The following TTF2 variants were observed in gnomAD, a reference collection of about 807,000 sequenced individuals.
TTF2 encodes the protein transcription termination factor 2, also known as RNA polymerase II termination factor.
In TTF2, 108 loss-of-function variants were observed where a neutral mutation model predicts 142.4. That is an observed-to-expected ratio of 0.76 (90% confidence interval 0.65 to 0.89). The LOEUF is 0.89. TTF2 is among the 40% of genes least tolerant of loss of function. TTF2 has a pLI of 0.00. For synonymous variants in TTF2, 483 were observed against 506.2 expected, an observed-to-expected ratio of 0.95 and a Z score of 0.61; for missense variants, 1,327 against 1,379.8, an observed-to-expected ratio of 0.96 and a Z score of 0.61.
chr1:117,067,659 A>G (rs1396337486), intron 3 of TTF2, among the ~76,000 whole-genome samples: 1 of 152,214 alleles, frequency 6.6e-6, no homozygotes, highest in Non-Finnish European at 1.5e-5. Context: ...CTGGGAATTT[A>G]AACAGAAATA....
chr1:117,063,970 A>T lies in TTF2; in HGVS notation c.218+1497A>T, dbSNP rs957932241. 6.6e-6 allele frequency among the ~76,000 whole-genome samples: 1 copy of T among 151,966 alleles called. No homozygotes were observed. Among genetic ancestry groups the T allele is most frequent in the African/African-American group, 2.4e-5 (1 of 41,356 alleles). On this transcript the variant is annotated intron_variant, in intron 3 of 22. Coordinates refer to ENST00000369466, the MANE Select transcript of TTF2 (RefSeq NM_003594.4). The surrounding 1 kb of genome is among the most constrained non-coding windows in gnomAD (Gnocchi z 4.1). ...AGGTACTGAAGAGTTCCATCACAGGATCTCTCTGTTGCCCTTTCTATAACC... is the reference window on the plus strand; with the variant it reads ...AGGTACTGAAGAGTTCCATCACAGGTTCTCTCTGTTGCCCTTTCTATAACC...
Position 117,100,860 on chromosome 1 carries a change from T to C in TTF2, c.3345-520T>C, listed in dbSNP as rs1289663. Among the ~76,000 whole-genome samples, 68,322 of 152,044 alleles carry C rather than the reference T, an allele frequency of 0.45. 15,941 individuals are homozygous for C. Among genetic ancestry groups the C allele is most frequent in the African/African-American group, 0.57 (23,444 of 41,450 alleles). On this transcript the variant is annotated intron_variant, in intron 22 of 22. Coordinates refer to ENST00000369466, the MANE Select transcript of TTF2 (RefSeq NM_003594.4). This position sits in a 1 kb window ranked among gnomAD's most constrained non-coding sequence, Gnocchi z 4.6. ...TGTTTGTCTCGCTTTTGTTCTGCTT[T>C]GGAGCAAGACTATATTCATCTCTCC...
In TTF2 at chr1:117,086,545, G is replaced by T. The variant is rs1192457882; in HGVS notation, c.2160+23G>T. On this transcript the variant is annotated intron_variant, in intron 12 of 22. Transcript: ENST00000369466. The surrounding 1 kb of genome is among the most constrained non-coding windows in gnomAD (Gnocchi z 4.2). ...GAGGTGAGGCTGGGGGGCAGCCAGG[G>T]AAGTGGAGTTGGAGCCACAGATGGT... 6.3e-7 allele frequency: 1 copy of T among 1,578,356 alleles called. No individual in the cohort carries two copies. Among genetic ancestry groups the T allele is most frequent in the Non-Finnish European group, 8.7e-7 (1 of 1,148,906 alleles).
chr1:117,081,986 T>C lies in TTF2; in HGVS notation c.1903+39T>C, dbSNP rs374858348. 5.8e-4 allele frequency: 940 copies of C among 1,613,160 alleles called. 2 individuals carry two copies. The highest frequency in any genetic ancestry group is 7.7e-4 in the Non-Finnish European group (908 of 1,179,646). Reference sequence around the variant, plus strand: ...CCTTAATAGCCTGCCATTCCCTACGTCATTTGAGCCACCCAAGAGGGGAAC... The same window carrying C: ...CCTTAATAGCCTGCCATTCCCTACGCCATTTGAGCCACCCAAGAGGGGAAC... On this transcript the variant is annotated intron_variant, in intron 10 of 22. Transcript: ENST00000369466.
rs1397815388 is a variant in TTF2 at position 117,086,457 on chromosome 1, G to A, written c.2095G>A (p.Val699Met). The A allele has an allele frequency of 3.7e-6, 6 of 1,613,986 alleles. No individual in the cohort carries two copies. The Admixed American group carries it at 5.0e-5, about 13-fold the overall frequency. Reference sequence around the variant, plus strand: ...CATCGTGATCACTACCTATAGCCTCGTGGCCAAGGAGATTCCCACAAACAA... The same window carrying A: ...CATCGTGATCACTACCTATAGCCTCATGGCCAAGGAGATTCCCACAAACAA... Reference protein sequence around the residue: ...YDIVITTYSLVAKEIPTNKQE... With the variant: ...YDIVITTYSLMAKEIPTNKQE... The change falls in exon 12 of 23, where the codon GTG (valine) becomes ATG (methionine). Residue 699 changes from valine to methionine, a missense_variant. Val to Met is a conservative substitution (Grantham distance 21). Transcript: ENST00000369466. This position sits in a 1 kb window ranked among gnomAD's most constrained non-coding sequence, Gnocchi z 4.2.
intron 18 of TTF2, 28 bp from the exon 19 acceptor site, chr1:117,095,281 A>G (rs1034171116): frequency 1.2e-6 from 2 of 1,613,010 alleles, no homozygotes; most frequent in Admixed American, 3.3e-5. Flanking sequence ...TTGCTTAAAC[A>G]TACAATGTTG....
rs2801935 is a variant in TTF2, at chr1:117,099,046, G to A, written c.3344+139G>A. 34,464 of 716,990 alleles carry A rather than the reference G, an allele frequency of 0.048. 942 individuals carry two copies. The highest frequency in any genetic ancestry group is 0.068 in the South Asian group (1,935 of 28,300). The allele number at this position is 716,990 out of a possible 1,614,324, so 44.4% of individuals were successfully genotyped here. On this transcript the variant is annotated intron_variant, in intron 22 of 22. Transcript: ENST00000369466. The surrounding 1 kb of genome is among the most constrained non-coding windows in gnomAD (Gnocchi z 4.3). ...ATGATGCCCCTGAGGCATACCTTCA[G>A]GCAAACCACAGTCAGGAGAAAAACG...
chr1:117,085,723 C>T lies in TTF2; in HGVS notation c.2055-694C>T, dbSNP rs1189095457. On this transcript the variant is annotated intron_variant, in intron 11 of 22. Coordinates refer to ENST00000369466, the MANE Select transcript of TTF2 (RefSeq NM_003594.4). The surrounding 1 kb of genome is among the most constrained non-coding windows in gnomAD (Gnocchi z 4.7). ...TGAGACAGGATAGAGTGAGACCCTA[C>T]CTTGTCTCAAAAAATAAATAAATAA... Among the ~76,000 whole-genome samples, 2 of 151,510 alleles carry T rather than the reference C, an allele frequency of 1.3e-5. No individual in the cohort carries two copies. Among genetic ancestry groups the T allele is most frequent in the Admixed American group, 1.3e-4 (2 of 15,222 alleles).
At chr1:117,077,720 G>A (rs894342559) in intron 7 of TTF2, among the ~76,000 whole-genome samples, 196 bp from the exon 8 acceptor site, 12 of 149,658 alleles carry the variant, frequency 8.0e-5, no homozygotes, top group African/African-American at 3.0e-4. Flanking sequence ...TGGAGATTGG[G>A]TTGGCTGGCA....
chr1:117,093,646 A>G lies in TTF2; in HGVS notation c.2976+745A>G, dbSNP rs191860563. On this transcript the variant is annotated intron_variant, in intron 18 of 22. Coordinates refer to ENST00000369466, the MANE Select transcript of TTF2 (RefSeq NM_003594.4). The surrounding 1 kb of genome is among the most constrained non-coding windows in gnomAD (Gnocchi z 4.5). ...TAAAAGGAATGCTGCCTTTTAATTA[A>G]AATTTGAAAACATTTACCTAGGTCT... Among the ~76,000 whole-genome samples, 1 of 152,334 alleles carries G rather than the reference A, an allele frequency of 6.6e-6. No individual in the cohort carries two copies. The highest frequency in any genetic ancestry group is 1.9e-4 in the East Asian group (1 of 5,188).
rs553242893 is a variant in TTF2, at chr1:117,090,347, C to T, written c.2496+139C>T. 232 of 1,268,614 alleles carry T rather than the reference C, an allele frequency of 1.8e-4. No homozygotes were observed. The African/African-American group carries it at 3.1e-3, about 17-fold the overall frequency. 78.6% of individuals were successfully genotyped at this position (1,268,614 alleles called of 1,614,324 possible). ...CTCCTGTGAGGAGGCCCCAGGGTTG[C>T]AGTTCCATGCCTAGTGTCATAGCAA... On this transcript the variant is annotated intron_variant, in intron 14 of 22. Coordinates refer to ENST00000369466, the MANE Select transcript of TTF2 (RefSeq NM_003594.4). The surrounding 1 kb of genome is among the most constrained non-coding windows in gnomAD (Gnocchi z 4.8).
chr1:117,073,305 GTGT>G lies in TTF2; in HGVS notation c.219-352_219-350del, dbSNP rs1656742962. ...TTGGGGCAACATTGCTTTGTAGCTA[GTGT>G]TGTGACCCCCCTTCAGGGACACACA... On this transcript the variant is annotated intron_variant, in intron 3 of 22. Transcript: ENST00000369466. This position sits in a 1 kb window ranked among gnomAD's most constrained non-coding sequence, Gnocchi z 4.4. Among the ~76,000 whole-genome samples the G allele has an allele frequency of 6.6e-6, 1 of 152,150 alleles. No homozygotes were observed. The highest frequency in any genetic ancestry group is 1.5e-5 in the Non-Finnish European group (1 of 68,028).
In TTF2 at chr1:117,083,753, A is replaced by C. The variant is rs114743934; in HGVS notation, c.1904-265A>C. Among the ~76,000 whole-genome samples the C allele has an allele frequency of 2.7e-3, 404 of 152,332 alleles. 3 individuals carry two copies. The highest frequency in any genetic ancestry group is 9.3e-3 in the African/African-American group (387 of 41,578). ...ACTTCACTATAGGCTCTGTATAGAA[A>C]TAAGAGCAATGGTTAAACATATTAA... On this transcript the variant is annotated intron_variant, in intron 10 of 22. Transcript: ENST00000369466.
chr1:117,069,519 C>T (rs12042626), intron 3 of TTF2, among the ~76,000 whole-genome samples: 5,080 of 152,294 alleles, frequency 0.033, 156 homozygotes, highest in East Asian at 0.12. Context: ...CCAGTGTGAG[C>T]TTGGCATTGC....
rs1648295861 is a variant in TTF2 at position 117,088,975 on chromosome 1, C to T, written c.2335C>T (p.Leu779=). The change falls in exon 13 of 23, where the codon CTG becomes TTG. Residue 779 remains leucine (L), a synonymous_variant. Transcript: ENST00000369466. ...AAACAACTTATTGGATATGTATTCG[C>T]TGCTGAAGTGAGTAACTTCTCGTGA... ...IQNNLLDMYS[L]LKFLRCSPFD... is the part of the protein sequence containing the mutation. The T allele has an allele frequency of 6.2e-7, 1 of 1,606,662 alleles. No homozygotes were observed. The highest frequency in any genetic ancestry group is 8.5e-7 in the Non-Finnish European group (1 of 1,176,798).
intron 3 of TTF2, among the ~76,000 whole-genome samples, chr1:117,068,712 T>G (rs756945658): frequency 1.3e-5 from 2 of 152,122 alleles, no homozygotes; most frequent in Non-Finnish European, 2.9e-5. Flanking sequence ...AGCCCTAGTA[T>G]AGTGAGCAGG....
Position 117,075,137 on chromosome 1 carries a change from A to C in TTF2, c.553A>C (p.Lys185Gln), listed in dbSNP as rs1161482069. The change falls in exon 5 of 23, where the codon AAG (lysine) becomes CAG (glutamine). Residue 185 changes from lysine (K) to glutamine (Q), a missense_variant. Coordinates refer to ENST00000369466, the MANE Select transcript of TTF2 (RefSeq NM_003594.4). This position sits in a 1 kb window ranked among gnomAD's most constrained non-coding sequence, Gnocchi z 4.5. ...AGACCTCTCATCTGGCCTGGTACCA[A>C]AGAAAAAACAATCTGTAGTTCAAGA... ...EKDLSSGLVPKKKQSVVQEKK... is the reference protein window; with the variant it reads ...EKDLSSGLVPQKKQSVVQEKK... 3.7e-6 allele frequency: 6 copies of C among 1,613,988 alleles called. No homozygotes were observed. Among genetic ancestry groups the C allele is most frequent in the Non-Finnish European group, 5.1e-6 (6 of 1,180,034 alleles).
chr1:117,073,798 C>T lies in TTF2; in HGVS notation c.285+71C>T. 1 of 1,428,804 alleles carries T rather than the reference C, an allele frequency of 7.0e-7. No individual in the cohort carries two copies. The highest frequency in any genetic ancestry group is 9.7e-7 in the Non-Finnish European group (1 of 1,030,384). The allele number at this position is 1,428,804 out of a possible 1,614,324, so 88.5% of individuals were successfully genotyped here. A position where few individuals can be genotyped will look rare whatever the true frequency, so the allele number is the denominator to read the frequency against. On this transcript the variant is annotated intron_variant, in intron 4 of 22. Transcript: ENST00000369466. The surrounding 1 kb of genome is among the most constrained non-coding windows in gnomAD (Gnocchi z 4.4). ...TAATATGCAGCATCACCTGAAAATA[C>T]CTTGAAGTTCACGTAAATGAGTTGG... is the stretch of plus-strand genomic sequence containing the variant.
chr1:117,090,125 G>A lies in TTF2; in HGVS notation c.2413G>A (p.Gly805Arg). 1 of 1,614,160 alleles carries A rather than the reference G, an allele frequency of 6.2e-7. No homozygotes were observed. Among genetic ancestry groups the A allele is most frequent in the Non-Finnish European group, 8.5e-7 (1 of 1,179,996 alleles). Residue 805 changes from glycine (G) to arginine (R), a missense_variant, in exon 14 of 23, where the codon GGA becomes AGA. Transcript: ENST00000369466. The surrounding 1 kb of genome is among the most constrained non-coding windows in gnomAD (Gnocchi z 4.8). ...RSQVDNGSKKGGERLSILTKS... is the reference protein window; with the variant it reads ...RSQVDNGSKKRGERLSILTKS... Reference sequence around the variant, plus strand: ...TCAGGTTGACAATGGCTCAAAGAAAGGAGGAGAACGGTTAAGTATTTTAAC... The same window carrying A: ...TCAGGTTGACAATGGCTCAAAGAAAAGAGGAGAACGGTTAAGTATTTTAAC...
Sources: allele counts gnomAD v4.1 joint callset (sites outside exome capture counted in the v4.1 genomes callset), GRCh38; gene constraint gnomAD v4.1.1; non-coding constraint Gnocchi (gnomAD v3.1); transcripts MANE v1.5; gene names NCBI Gene and HGNC (gene_info 2026-07-23, HGNC 2026-07-21).